RP1: variants seen among roughly 807,000 people sequenced by gnomAD.
The protein encoded by RP1 is oxygen-regulated protein 1.
RP1 carries 16 observed loss-of-function variants against 14.8 expected under a neutral mutation model. The ratio of observed to expected loss-of-function variants is 1.08; its 90% CI spans 0.73 to 1.65. The LOEUF is 1.65. Ranked by LOEUF, RP1 falls within the 40% of genes most tolerant of loss-of-function variation. The probability of loss-of-function intolerance (pLI) is 0.00; values close to 1 mark genes in which losing one functional copy is unlikely to be tolerated. For missense variants in RP1, 2,631 were observed against 2,535.0 expected (o/e 1.04, Z -0.81); for synonymous variants, 876 against 883.6 (o/e 0.99, Z 0.15).
exon 22 of RP1, chr8:54,758,924 T>C: frequency 6.5e-7 from 1 of 1,535,540 alleles, no homozygotes; most frequent in Non-Finnish European, 8.7e-7. Flanking sequence ...TGCACCAGAT[T>C]GATAAATTTC....
intron 8 of RP1, among the ~76,000 whole-genome samples, chr8:54,677,747 AT>A (rs1807325579): frequency 6.6e-6 from 1 of 152,164 alleles, no homozygotes; most frequent in East Asian, 1.9e-4. Flanking sequence ...CAAATAAAAA[AT>A]AAAAGAAAAA....
chr8:54,805,076 G>A (rs1185450193), intron 24 of RP1, among the ~76,000 whole-genome samples: 1 of 152,148 alleles, frequency 6.6e-6, no homozygotes, highest in East Asian at 1.9e-4. Context: ...ACTGACAAAG[G>A]AGAGAGAATC....
chr8:54,783,703 T>A (rs1810246823), exon 24 of RP1: 1 of 1,230,606 alleles, frequency 8.1e-7, no homozygotes, highest in South Asian at 4.1e-5. Context: ...ACTGCAGATA[T>A]ATTCAAGGTA....
At chr8:54,594,683 A>G (rs1380846080) in intron 1 of RP1, among the ~76,000 whole-genome samples, 2 of 152,148 alleles carry the variant, frequency 1.3e-5, no homozygotes, top group African/African-American at 2.4e-5. Context: ...CTTTTCTTTC[A>G]TTAGGGGTAC....
At chr8:54,723,451 A>T (rs959292667) in intron 16 of RP1, among the ~76,000 whole-genome samples, 1 of 152,150 alleles carries the variant, frequency 6.6e-6, no homozygotes, top group African/African-American at 2.4e-5. Flanking sequence ...TGTATTGGGA[A>T]TTTATAATAC....
downstream of RP1, among the ~76,000 whole-genome samples, chr8:54,771,178 A>G (rs745414720): frequency 2.9e-4 from 44 of 152,068 alleles, no homozygotes; most frequent in Admixed American, 5.2e-4. Flanking sequence ...AAGTCTGTTC[A>G]TGTGTCACAC....
At chr8:54,782,696 C>T (rs925976451) in intron 23 of RP1, among the ~76,000 whole-genome samples, 7 of 152,032 alleles carry the variant, frequency 4.6e-5, no homozygotes, top group Non-Finnish European at 1.5e-5. Flanking sequence ...GGGTTCATTG[C>T]TGTGGGTTGA....
intron 20 of RP1, chr8:54,755,499 A>C (rs747202476): frequency 6.2e-5 from 56 of 897,428 alleles, no homozygotes; most frequent in Non-Finnish European, 8.5e-5. Flanking sequence ...GATTACAGGA[A>C]TTCTCATATA....
At chr8:54,711,791 T>C (rs1808298491) in intron 15 of RP1, among the ~76,000 whole-genome samples, 2 of 152,096 alleles carry the variant, frequency 1.3e-5, no homozygotes, top group South Asian at 4.1e-4. Context: ...TTTTTTTTTT[T>C]CACCCATTGC....
intron 24 of RP1, among the ~76,000 whole-genome samples, chr8:54,797,425 T>C (rs948479573): frequency 5.9e-5 from 9 of 152,064 alleles, no homozygotes; most frequent in South Asian, 2.1e-4. Context: ...TAAAGAACAG[T>C]GAGCCTAAGT....
At chr8:54,745,789 C>G (rs181455188) in intron 19 of RP1, among the ~76,000 whole-genome samples, 1 of 152,006 alleles carries the variant, frequency 6.6e-6, no homozygotes. Flanking sequence ...CTCATCTACC[C>G]CAACATAAAG....
chr8:54,751,536 C>T (rs1320705533), intron 19 of RP1, among the ~76,000 whole-genome samples: 1 of 152,214 alleles, frequency 6.6e-6, no homozygotes, highest in Admixed American at 6.5e-5. Context: ...TTTCATTAAT[C>T]TATCTTAATG....
intron 12 of RP1, chr8:54,699,347 T>G: frequency 2.4e-6 from 1 of 420,180 alleles, no homozygotes. Context: ...ATTTTACCTT[T>G]AACTGAAAAC....
chr8:54,603,770 A>T (rs1218947182), intron 1 of RP1, among the ~76,000 whole-genome samples: 4 of 152,034 alleles, frequency 2.6e-5, no homozygotes, highest in Non-Finnish European at 5.9e-5. Flanking sequence ...TGTAAGTTGG[A>T]TTCCTAGGTA....
chr8:54,830,954 T>C (rs1811505614), intron 24 of RP1, among the ~76,000 whole-genome samples: 1 of 152,154 alleles, frequency 6.6e-6, no homozygotes, highest in Non-Finnish European at 1.5e-5. Context: ...GTTCATTGAG[T>C]ACATGGTCTT....
chr8:54,826,362 G>C (rs1273948775), intron 24 of RP1, among the ~76,000 whole-genome samples: 2 of 152,178 alleles, frequency 1.3e-5, no homozygotes, highest in Non-Finnish European at 2.9e-5. Flanking sequence ...CCTCCTGGAG[G>C]AATGCTTTTG....
intron 12 of RP1, among the ~76,000 whole-genome samples, chr8:54,690,172 T>C (rs1807676581): frequency 6.6e-6 from 1 of 152,014 alleles, no homozygotes; most frequent in African/African-American, 2.4e-5. Context: ...TTGGTCTCCT[T>C]ACCTAACCCT....
chr8:54,596,523 C>G (rs1388991038), intron 1 of RP1, among the ~76,000 whole-genome samples: 1 of 152,184 alleles, frequency 6.6e-6, no homozygotes, highest in Non-Finnish European at 1.5e-5. Context: ...GACATCACCA[C>G]CTAGATGTCT....
At chr8:54,850,840 C>T (rs759624002) in intron 25 of RP1, among the ~76,000 whole-genome samples, 3 of 152,110 alleles carry the variant, frequency 2.0e-5, no homozygotes, top group African/African-American at 4.8e-5. Context: ...ATAATGAACA[C>T]GAAGTCAATG....
Sources: gnomAD v4.1 joint callset for allele counts (sites outside exome capture counted in the v4.1 genomes callset) on GRCh38, gnomAD v4.1.1 for gene constraint, MANE v1.5 for transcripts, NCBI Gene and HGNC (gene_info 2026-07-23, HGNC 2026-07-21) for gene names.